The following PELI2 variants were observed in gnomAD, a reference collection of about 807,000 sequenced individuals.
PELI2 encodes E3 ubiquitin-protein ligase pellino homolog 2.
Under a neutral mutation model 42.3 loss-of-function variants are expected in PELI2, and 23 were observed. The ratio of observed to expected loss-of-function variants is 0.54; its 90% CI spans 0.39 to 0.77. The LOEUF is 0.77. Ranked by LOEUF, PELI2 falls within the 30% of genes least tolerant of loss-of-function variation. PELI2 has a pLI of 0.00. For missense variants in PELI2, 463 were observed against 553.2 expected, an observed-to-expected ratio of 0.84 and a Z score of 1.64; for synonymous variants, 245 against 212.2, an observed-to-expected ratio of 1.15 and a Z score of -1.34.
At chr14:56,293,199 C>G (rs937473890) in intron 5 of PELI2, among the ~76,000 whole-genome samples, 1 of 152,182 alleles carries the variant, frequency 6.6e-6, no homozygotes, top group Non-Finnish European at 1.5e-5. Context: ...GGGTTGAATT[C>G]ACTACCCTGT....
At chr14:56,217,214 G>A (rs1443436841) in intron 2 of PELI2, among the ~76,000 whole-genome samples, 2 of 152,204 alleles carry the variant, frequency 1.3e-5, no homozygotes, top group Admixed American at 1.3e-4. Flanking sequence ...CGGAAACTGA[G>A]GCCAAGGTAG....
intron 1 of PELI2, among the ~76,000 whole-genome samples, chr14:56,166,639 A>G (rs1356364209): frequency 1.3e-5 from 2 of 152,116 alleles, no homozygotes; most frequent in Admixed American, 6.5e-5. Flanking sequence ...TTTTCTAAAT[A>G]TACTATTCTA....
chr14:56,250,108 GTT>G (rs1888293094), intron 2 of PELI2, among the ~76,000 whole-genome samples: 1 of 152,154 alleles, frequency 6.6e-6, no homozygotes, highest in Non-Finnish European at 1.5e-5. Flanking sequence ...GTAATGCCAT[GTT>G]TTCTGCCCAA....
chr14:56,168,264 C>G (rs1045427354), intron 1 of PELI2, among the ~76,000 whole-genome samples: 2 of 47,736 alleles, frequency 4.2e-5, no homozygotes, highest in Non-Finnish European at 9.8e-5. Flanking sequence ...GAGCAGCGTG[C>G]CCCCCCCCAG....
intron 2 of PELI2, among the ~76,000 whole-genome samples, chr14:56,255,832 G>T (rs1888509264): frequency 6.6e-6 from 1 of 152,118 alleles, no homozygotes; most frequent in Admixed American, 6.6e-5. Flanking sequence ...GCACCATCTT[G>T]TCTGCTCCTT....
intron 2 of PELI2, among the ~76,000 whole-genome samples, chr14:56,220,013 T>C (rs904031179): frequency 6.6e-6 from 1 of 152,220 alleles, no homozygotes; most frequent in Non-Finnish European, 1.5e-5. Context: ...ATAAACAGTT[T>C]AGGTAAACAA....
intron 2 of PELI2, among the ~76,000 whole-genome samples, chr14:56,268,688 A>C (rs1421607163): frequency 6.6e-6 from 1 of 152,210 alleles, no homozygotes; most frequent in Admixed American, 6.5e-5. Context: ...ATCTCTTATC[A>C]GGTGAGTGTG....
chr14:56,261,661 A>C (rs2139837526), intron 2 of PELI2, among the ~76,000 whole-genome samples: 1 of 152,338 alleles, frequency 6.6e-6, no homozygotes, highest in African/African-American at 2.4e-5. Flanking sequence ...CTTATTTTAC[A>C]AAATGGAGAT....
At chr14:56,176,596 G>A (rs1885396061) in intron 1 of PELI2, among the ~76,000 whole-genome samples, 1 of 152,190 alleles carries the variant, frequency 6.6e-6, no homozygotes, top group Non-Finnish European at 1.5e-5. Context: ...GGGACTGGAT[G>A]GGCACTCAGA....
At chr14:56,208,338 T>C (rs1886589876) in intron 2 of PELI2, among the ~76,000 whole-genome samples, 1 of 152,084 alleles carries the variant, frequency 6.6e-6, no homozygotes, top group South Asian at 2.1e-4. Flanking sequence ...TAAATTTGGA[T>C]GGAGGAGTGT....
intron 2 of PELI2, among the ~76,000 whole-genome samples, chr14:56,268,733 G>T (rs749059891): frequency 6.6e-6 from 1 of 152,122 alleles, no homozygotes; most frequent in African/African-American, 2.4e-5. Flanking sequence ...ACCATGGGTG[G>T]TCCTTACTGC....
intron 2 of PELI2, among the ~76,000 whole-genome samples, chr14:56,216,396 A>C (rs1478916114): frequency 6.6e-6 from 1 of 152,204 alleles, no homozygotes; most frequent in African/African-American, 2.4e-5. Context: ...AAGTATATTA[A>C]ACTTCTTGTT....
At chr14:56,158,437 G>C (rs1243080902) in intron 1 of PELI2, among the ~76,000 whole-genome samples, 1 of 152,130 alleles carries the variant, frequency 6.6e-6, no homozygotes, top group Non-Finnish European at 1.5e-5. Context: ...GACCTCCTGG[G>C]CTCCAGTGGT....
intron 1 of PELI2, among the ~76,000 whole-genome samples, chr14:56,176,172 A>T (rs1448634907): frequency 6.6e-6 from 1 of 152,132 alleles, no homozygotes; most frequent in Non-Finnish European, 1.5e-5. Context: ...CAACTTTTGG[A>T]GTTAAGGAAT....
At chr14:56,155,548 C>G (rs1757197490) in intron 1 of PELI2, among the ~76,000 whole-genome samples, 1 of 150,846 alleles carries the variant, frequency 6.6e-6, no homozygotes, top group Non-Finnish European at 1.5e-5. Context: ...TTCTTCTGTT[C>G]TACTGGCTTT....
chr14:56,123,110 C>A (rs530593390), intron 1 of PELI2, among the ~76,000 whole-genome samples: 3 of 151,524 alleles, frequency 2.0e-5, no homozygotes, highest in Non-Finnish European at 4.4e-5. Context: ...GCCTCATTTC[C>A]TTTGGATGAT....
intron 1 of PELI2, among the ~76,000 whole-genome samples, chr14:56,160,643 C>T (rs1729761940): frequency 6.6e-6 from 1 of 152,180 alleles, no homozygotes; most frequent in South Asian, 2.1e-4. Flanking sequence ...TGGGGGTCTT[C>T]TGTAAACTGC....
intron 1 of PELI2, among the ~76,000 whole-genome samples, chr14:56,162,784 C>T (rs1378505364): frequency 6.6e-6 from 1 of 152,084 alleles, no homozygotes; most frequent in Admixed American, 6.5e-5. Context: ...TATTGCCTGT[C>T]GTTTGGATAA....
intron 1 of PELI2, among the ~76,000 whole-genome samples, chr14:56,125,616 A>G (rs1482387951): frequency 3.3e-5 from 5 of 152,150 alleles, no homozygotes; most frequent in African/African-American, 7.2e-5. Flanking sequence ...GAAGATTCCA[A>G]GTATCCCGTT....
Sources: gnomAD v4.1 joint callset for allele counts (sites outside exome capture counted in the v4.1 genomes callset) on GRCh38, gnomAD v4.1.1 for gene constraint, MANE v1.5 for transcripts, NCBI Gene and HGNC (gene_info 2026-07-23, HGNC 2026-07-21) for gene names.